TEX36: variants seen among roughly 807,000 people sequenced by gnomAD.
TEX36 encodes testis expressed 36.
A neutral mutation model predicts 13.6 loss-of-function variants in TEX36; 12 were observed. The ratio of observed to expected loss-of-function variants is 0.88; its 90% confidence interval spans 0.56 to 1.43. The LOEUF is 1.43. TEX36 is among the 40% of genes most tolerant of loss of function. TEX36 has a pLI of 0.00. For missense variants in TEX36, 224 were observed against 228.3 expected, an observed-to-expected ratio of 0.98 and a Z score of 0.12; for synonymous variants, 93 against 83.0, an observed-to-expected ratio of 1.12 and a Z score of -0.65.
At chr10:125,657,114 C>T (rs1339678733) in intron 3 of TEX36, among the ~76,000 whole-genome samples, 1 of 152,162 alleles carries the variant, frequency 6.6e-6, no homozygotes, top group African/African-American at 2.4e-5. Flanking sequence ...AGAAAGAAAA[C>T]ACTATACTGA....
intron 1 of TEX36, among the ~76,000 whole-genome samples, chr10:125,672,718 C>T (rs1359870314): frequency 1.3e-5 from 2 of 152,138 alleles, no homozygotes; most frequent in African/African-American, 4.8e-5. Context: ...CTAACATTGA[C>T]AGTGGGGTGT....
intron 3 of TEX36, among the ~76,000 whole-genome samples, chr10:125,585,994 T>G (rs1164552535): frequency 6.6e-6 from 1 of 152,236 alleles, no homozygotes; most frequent in African/African-American, 2.4e-5. Context: ...TCCAGTCCTT[T>G]GGGTTTGCAC....
intron 3 of TEX36, among the ~76,000 whole-genome samples, chr10:125,613,743 G>A (rs894992070): frequency 1.4e-3 from 217 of 152,054 alleles, no homozygotes; most frequent in African/African-American, 4.5e-3. Context: ...ATAAACATAC[G>A]TGTGCATGTG....
chr10:125,662,446 T>C (rs945640950), intron 1 of TEX36, among the ~76,000 whole-genome samples: 1 of 151,984 alleles, frequency 6.6e-6, no homozygotes, highest in Admixed American at 6.6e-5. Context: ...GAATCTCAAG[T>C]GATTCTCCAC....
At chr10:125,629,320 C>G (rs1377456198) in intron 3 of TEX36, among the ~76,000 whole-genome samples, 1 of 152,176 alleles carries the variant, frequency 6.6e-6, no homozygotes, top group Non-Finnish European at 1.5e-5. Context: ...TCTGAGAAAC[C>G]TGTTTCCTCA....
chr10:125,581,217 C>A (rs1253694295), intron 3 of TEX36, among the ~76,000 whole-genome samples: 1 of 152,130 alleles, frequency 6.6e-6, no homozygotes, highest in Non-Finnish European at 1.5e-5. Flanking sequence ...GATTAGGTTC[C>A]CAGGGGCAAC....
intron 3 of TEX36, among the ~76,000 whole-genome samples, chr10:125,594,444 T>C (rs1027747642): frequency 6.6e-6 from 1 of 152,178 alleles, no homozygotes; most frequent in African/African-American, 2.4e-5. Flanking sequence ...TCTCATATAC[T>C]CAGCAACACA....
intron 3 of TEX36, among the ~76,000 whole-genome samples, chr10:125,586,644 A>C (rs1692732282): frequency 6.7e-6 from 1 of 150,308 alleles, no homozygotes; most frequent in South Asian, 2.1e-4. Flanking sequence ...CCAAAAAAAA[A>C]AAAAAAAAAA....
chr10:125,677,282 TA>T (rs1460344811), intron 1 of TEX36, among the ~76,000 whole-genome samples: 5 of 152,220 alleles, frequency 3.3e-5, no homozygotes, highest in African/African-American at 1.2e-4. Context: ...ATTATTGTGT[TA>T]AATAGGTTTT....
intron 3 of TEX36, among the ~76,000 whole-genome samples, chr10:125,609,729 T>C (rs1235534789): frequency 6.6e-6 from 1 of 152,222 alleles, no homozygotes; most frequent in Non-Finnish European, 1.5e-5. Context: ...GGGACACACG[T>C]TGCAGCAGCA....
At chr10:125,652,217 G>C (rs1179521801), downstream of TEX36, among the ~76,000 whole-genome samples, 1 of 152,144 alleles carries the variant, frequency 6.6e-6, no homozygotes, top group South Asian at 2.1e-4. Flanking sequence ...GAAAACTGGA[G>C]GCATCATGCT....
At chr10:125,639,016 T>C (rs531215556) in intron 3 of TEX36, among the ~76,000 whole-genome samples, 26 of 152,382 alleles carry the variant, frequency 1.7e-4, no homozygotes, top group African/African-American at 6.3e-4. Flanking sequence ...TATCCATAAG[T>C]AATCAGAATG....
At chr10:125,667,927 C>CA in intron 1 of TEX36, 1 of 1,212,534 alleles carries the variant, frequency 8.2e-7, no homozygotes, top group East Asian at 2.4e-5. Flanking sequence ...GCTCCAGGGT[C>CA]AATGCTGGAT....
At chr10:125,677,139 A>G (rs2133613366) in intron 1 of TEX36, among the ~76,000 whole-genome samples, 1 of 152,226 alleles carries the variant, frequency 6.6e-6, no homozygotes, top group East Asian at 1.9e-4. Flanking sequence ...TTTGTTCTGT[A>G]TCTTTGACTT....
Position 125,681,112 on chromosome 10 carries a change from G to T in TEX36, c.51+1827C>A, listed in dbSNP as rs1388182389. The stretch of plus-strand genomic sequence containing the variant: ...AAAAAGGGGCAGACTTAGGTGACAG[G>T]CGCCTTCCATCTTTTTGTCCTTTGA... On this transcript the variant is annotated intron_variant, in intron 1 of 3. Coordinates refer to ENST00000368821, the MANE Select transcript of TEX36 (RefSeq NM_001128202.3). 6.6e-5 allele frequency among the ~76,000 whole-genome samples: 10 copies of T among 152,298 alleles called. No individual in the cohort carries two copies. In the East Asian group the frequency reaches 1.4e-3, roughly 21 times the overall value.
rs1477897228 is a variant in TEX36, at chr10:125,661,047, C to A, written c.238G>T (p.Glu80Ter). The change falls in exon 3 of 4, where the codon GAG becomes TAG. Residue 80 changes from glutamate to a stop codon, truncating the protein, a stop_gained. Coordinates refer to ENST00000368821, the MANE Select transcript of TEX36 (RefSeq NM_001128202.3). LOFTEE classifies it low-confidence loss of function (END_TRUNC). The part of the protein sequence containing the change: ...FSVHDNRHSL[E>*]NSGCYLDSGL... The stretch of plus-strand genomic sequence containing the variant: ...GAGTCAAGGTAGCATCCAGAGTTCT[C>A]CAAGCTGTGCCGATTGTCATGCACG... 4 of 1,551,770 alleles carry A rather than the reference C, an allele frequency of 2.6e-6. No homozygotes were observed. The highest frequency in any genetic ancestry group is 3.5e-6 in the Non-Finnish European group (4 of 1,146,978).
At chr10:125,596,264 G>A (rs555223518) in intron 3 of TEX36, among the ~76,000 whole-genome samples, 1 of 152,258 alleles carries the variant, frequency 6.6e-6, no homozygotes, top group South Asian at 2.1e-4. Context: ...ATCAAGATGG[G>A]CCCATAAAAT....
At chr10:125,608,110 A>G (rs1396141334) in intron 3 of TEX36, among the ~76,000 whole-genome samples, 1 of 152,224 alleles carries the variant, frequency 6.6e-6, no homozygotes, top group Non-Finnish European at 1.5e-5. Context: ...AACAGCTCAC[A>G]GGAAAGGATA....
rs545037184 is a variant in TEX36, at chr10:125,632,201, C to T, written c.265-10556G>A. ...CAAGCAGACAGAATGTGGACTCTGACGAGGAGAAGAGTGGTCTGGGGGAGA... is the reference window on the plus strand; with the variant it reads ...CAAGCAGACAGAATGTGGACTCTGATGAGGAGAAGAGTGGTCTGGGGGAGA... On this transcript the variant is annotated intron_variant, in intron 3 of 3. Coordinates refer to the TEX36 transcript ENST00000526819. Among the ~76,000 whole-genome samples, 8 of 152,104 alleles carry T rather than the reference C, an allele frequency of 5.3e-5. No individual in the cohort carries two copies. The South Asian group carries it at 6.2e-4, about 12-fold the overall frequency.
Sources: gnomAD v4.1 joint callset for allele counts (sites outside exome capture counted in the v4.1 genomes callset) on GRCh38, gnomAD v4.1.1 for gene constraint, MANE v1.5 for transcripts, NCBI Gene and HGNC (gene_info 2026-07-23, HGNC 2026-07-21) for gene names.